MYG1: variants seen among roughly 807,000 people sequenced by gnomAD.
MYG1 encodes the protein UPF0160 protein MYG1, mitochondrial.
MYG1 carries 36 observed loss-of-function variants against 43.5 expected under a neutral mutation model. The observed-to-expected ratio is 0.83, with a 90% CI of 0.63 to 1.09. The LOEUF is 1.09. Ranked by LOEUF, MYG1 falls within the 50% of genes least tolerant of loss-of-function variation. MYG1 has a pLI of 0.00. For synonymous variants in MYG1, 220 were observed against 202.8 expected (o/e 1.08, Z -0.72); for missense variants, 529 against 495.1 (o/e 1.07, Z -0.65).
chr12:53,301,809 C>T (rs1332748017), intron 2 of MYG1, among the ~76,000 whole-genome samples: 2 of 151,864 alleles, frequency 1.3e-5, no homozygotes, highest in African/African-American at 4.8e-5. Flanking sequence ...CTGCCTCAGC[C>T]TCCCAAGTAG....
chr12:53,304,889 G>A (rs1944260599), intron 3 of MYG1, among the ~76,000 whole-genome samples: 1 of 124,218 alleles, frequency 8.1e-6, no homozygotes, highest in African/African-American at 3.2e-5. Context: ...TTTTTTTTGA[G>A]ACGGAGTCTC....
At position 53,306,447 on chromosome 12, in the gene MYG1, A is replaced by C. The variant is rs1177024253; in HGVS notation, c.765+127A>C. On this transcript the variant is annotated intron_variant, in intron 5 of 6. Coordinates refer to ENST00000267103, the MANE Select transcript of MYG1 (RefSeq NM_021640.4). ...CAACCTCAACCTCTTAGGCTCAAGC[A>C]GTCCTCCCACCTCAGCCTCCTGAGT... 3.6e-6 allele frequency: 5 copies of C among 1,393,230 alleles called. No homozygotes were observed. In the East Asian group the frequency reaches 1.2e-4, roughly 32 times the overall value. The allele number at this position is 1,393,230 out of a possible 1,614,324, so 86.3% of individuals were successfully genotyped here.
chr12:53,301,334 C>T (rs1213691154), intron 2 of MYG1, among the ~76,000 whole-genome samples: 1 of 152,076 alleles, frequency 6.6e-6, no homozygotes, highest in African/African-American at 2.4e-5. Flanking sequence ...AAAACAAAAC[C>T]CTCCCTCAAT....
At chr12:53,303,220 C>T in intron 3 of MYG1, 27 bp downstream of exon 3, 1 of 1,606,516 alleles carries the variant, frequency 6.2e-7, no homozygotes, top group Non-Finnish European at 8.5e-7. Context: ...AGAGATGCCC[C>T]CCACATGCAT....
chr12:53,300,850 C>T (rs1256853370), intron 2 of MYG1, among the ~76,000 whole-genome samples: 1 of 152,132 alleles, frequency 6.6e-6, no homozygotes, highest in East Asian at 1.9e-4. Flanking sequence ...AATTTCTTCC[C>T]TTCTATTGGA....
At position 53,300,268 on chromosome 12, in the gene MYG1, T is replaced by G; in HGVS notation, c.329+6T>G. The G allele has an allele frequency of 6.5e-7, 1 of 1,545,028 alleles. No individual in the cohort carries two copies. Among genetic ancestry groups the G allele is most frequent in the Non-Finnish European group, 8.8e-7 (1 of 1,142,100 alleles). ...CGATATGACCATCACCAGAGGTAGG[T>G]TCTCAGATACCATTTATTTAACTTC... is the stretch of plus-strand genomic sequence containing the variant. On this transcript the variant is annotated splice_donor_region_variant and intron_variant, in intron 2 of 6. Transcript: ENST00000267103.
Position 53,300,218 on chromosome 12 carries a change from G to T in MYG1, c.285G>T (p.Gly95=), listed in dbSNP as rs767697596. The T allele has an allele frequency of 6.2e-7, 1 of 1,604,248 alleles. No homozygotes were observed. The highest frequency in any genetic ancestry group is 1.1e-5 in the South Asian group (1 of 89,812). ...CCTGTGACATCGTGGTGGACGTGGG[G>T]GGCGAGTACGACCCTCGGAGACACC... ...LASCDIVVDV[G]GEYDPRRHRY... Residue 95 remains glycine (G), a synonymous_variant, in exon 2 of 7, where the codon GGG becomes GGT. Coordinates refer to ENST00000267103, the MANE Select transcript of MYG1 (RefSeq NM_021640.4).
intron 1 of MYG1, 58 bp from the exon 2 acceptor site, chr12:53,300,092 G>C (rs899849170): frequency 1.3e-6 from 2 of 1,531,782 alleles, no homozygotes; most frequent in Non-Finnish European, 1.8e-6. Context: ...CTGAAGTCCA[G>C]CATTAATCCC....
intron 5 of MYG1, 170 bp downstream of exon 5, chr12:53,306,490 C>A: frequency 4.7e-6 from 5 of 1,074,116 alleles, no homozygotes; most frequent in Non-Finnish European, 6.6e-6. Flanking sequence ...ACTACAGGCA[C>A]ACACCACCTC....
chr12:53,304,554 G>A (rs1327799977), intron 3 of MYG1, among the ~76,000 whole-genome samples: 1 of 152,054 alleles, frequency 6.6e-6, no homozygotes, highest in African/African-American at 2.4e-5. Flanking sequence ...CAAAGTGCTG[G>A]GATTACAGGC....
intron 3 of MYG1, 177 bp downstream of exon 3, chr12:53,303,370 C>T: frequency 1.5e-6 from 1 of 647,082 alleles, no homozygotes; most frequent in Non-Finnish European, 2.5e-6. Flanking sequence ...TGATACCTCC[C>T]CTGTCTACAT....
intron 2 of MYG1, among the ~76,000 whole-genome samples, chr12:53,301,479 G>A (rs1361544270): frequency 6.6e-6 from 1 of 152,030 alleles, no homozygotes; most frequent in Non-Finnish European, 1.5e-5. Context: ...TACAGCCTAA[G>A]CTCTCACCCT....
At position 53,300,138 on chromosome 12, in the gene MYG1, T is replaced by C. The variant is rs1377701733; in HGVS notation, c.217-12T>C. On this transcript the variant is annotated splice_polypyrimidine_tract_variant and intron_variant, in intron 1 of 6. Transcript: ENST00000267103. ...ACACCCGGCAGCCCCTTCACCCCTG[T>C]GTACCTCGCAGGATGCAGAGATTGT... 5.0e-6 allele frequency: 8 copies of C among 1,589,298 alleles called. No individual in the cohort carries two copies. Among genetic ancestry groups the C allele is most frequent in the Non-Finnish European group, 6.9e-6 (8 of 1,166,390 alleles).
rs747335333 is a variant in MYG1, at chr12:53,299,745, A to C, written c.8A>C (p.His3Pro). 3 of 1,612,714 alleles carry C rather than the reference A, an allele frequency of 1.9e-6. No individual in the cohort carries two copies. The highest frequency in any genetic ancestry group is 2.5e-6 in the Non-Finnish European group (3 of 1,179,562). The stretch of plus-strand genomic sequence containing the variant: ...CCCTGCAGGGAGCTGCTTATGGGAC[A>C]CCAATTCCTGCGCGGCCTCTTAACG... The part of the protein sequence containing the change: MG[H>P]QFLRGLLTLL... Residue 3 changes from histidine to proline, a missense_variant, in exon 1 of 7, where the codon CAC becomes CCC. His to Pro is a moderately conservative substitution (Grantham distance 77). Transcript: ENST00000267103.
Position 53,299,895 on chromosome 12 carries a change from C to A in MYG1, c.158C>A (p.Thr53Asn), listed in dbSNP as rs1219708256. Residue 53 changes from threonine (T) to asparagine (N), a missense_variant, in exon 1 of 7, where the codon ACC (threonine) becomes AAC (asparagine). Transcript: ENST00000267103. ...APPRIGTHNG[T>N]FHCDEALACA... ...CCCCGAATCGGGACGCACAATGGCA[C>A]CTTCCACTGCGACGAGGCACTGGCA... 4 of 1,614,222 alleles carry A rather than the reference C, an allele frequency of 2.5e-6. No homozygotes were observed. Among genetic ancestry groups the A allele is most frequent in the Non-Finnish European group, 3.4e-6 (4 of 1,180,040 alleles).
intron 2 of MYG1, among the ~76,000 whole-genome samples, chr12:53,301,523 C>G (rs575200646): frequency 6.6e-6 from 1 of 152,108 alleles, no homozygotes; most frequent in Admixed American, 6.6e-5. Flanking sequence ...AACAGCTGAC[C>G]GTGGCTTCAC....
chr12:53,306,738 A>G lies in MYG1; in HGVS notation c.824A>G (p.His275Arg). ...LAKGACPWKE[H>R]LYHLESGLSP... ...AAAGGTGCATGTCCCTGGAAGGAGC[A>G]TCTCTACCACCTGGAATCTGGGCTG... The change falls in exon 6 of 7, where the codon CAT becomes CGT. Residue 275 changes from histidine to arginine, a missense_variant. Transcript: ENST00000267103. 6.2e-7 allele frequency: 1 copy of G among 1,614,212 alleles called. No individual in the cohort carries two copies. The highest frequency in any genetic ancestry group is 8.5e-7 in the Non-Finnish European group (1 of 1,180,036).
Position 53,302,589 on chromosome 12 carries a change from G to A in MYG1, c.330-445G>A, listed in dbSNP as rs1209150342. ...AGATAAAGTCCGATGGTCTGGCCCT[G>A]CCTGCCCTTCCAGCTTTTTCTTTTG... On this transcript the variant is annotated intron_variant, in intron 2 of 6. Transcript: ENST00000267103. Among the ~76,000 whole-genome samples the A allele has an allele frequency of 3.3e-5, 5 of 152,292 alleles. No homozygotes were observed. In the East Asian group the frequency reaches 9.6e-4, roughly 29 times the overall value.
Position 53,306,876 on chromosome 12 carries a change from A to G in MYG1, c.947+15A>G. ...TTCCAAAGCCGGTGAGGCCCTAGGG[A>G]ACCACTCTGCAGACCTTCAGGCTTG... On this transcript the variant is annotated intron_variant, in intron 6 of 6. Coordinates refer to ENST00000267103, the MANE Select transcript of MYG1 (RefSeq NM_021640.4). The G allele has an allele frequency of 6.2e-7, 1 of 1,610,886 alleles. No individual in the cohort carries two copies. Among genetic ancestry groups the G allele is most frequent in the South Asian group, 1.1e-5 (1 of 90,726 alleles).
Sources: gnomAD v4.1 joint callset for allele counts (sites outside exome capture counted in the v4.1 genomes callset) on GRCh38, gnomAD v4.1.1 for gene constraint, MANE v1.5 for transcripts, NCBI Gene and HGNC (gene_info 2026-07-23, HGNC 2026-07-21) for gene names.